The following ARRB1 variants were observed in gnomAD, a reference collection of about 807,000 sequenced individuals.
ARRB1 encodes beta-arrestin-1.
A neutral mutation model predicts 56.8 loss-of-function variants in ARRB1; 21 were observed. That is an observed-to-expected ratio of 0.37 (90% CI 0.26 to 0.53). The LOEUF is 0.53. Ranked by LOEUF, ARRB1 falls within the 20% of genes least tolerant of loss-of-function variation. The pLI is 0.88. For missense variants in ARRB1, 424 were observed against 553.7 expected (o/e 0.77, Z 2.35); for synonymous variants, 210 against 218.6 (o/e 0.96, Z 0.35).
chr11:75,321,534 C>G (rs1054329889), intron 1 of ARRB1, among the ~76,000 whole-genome samples: 4 of 152,088 alleles, frequency 2.6e-5, no homozygotes, highest in Admixed American at 2.6e-4. Context: ...TCCTTACAGC[C>G]CTCATCTGAG....
Position 75,276,546 on chromosome 11 carries a change from C to T in ARRB1, c.776+293G>A, listed in dbSNP as rs34339888. ...CCTTCAACCTAGGTTTCTTGTACAA[C>T]GTAATTATTTCTTCTCACAACCCCA... On this transcript the variant is annotated intron_variant, in intron 10 of 15. Coordinates refer to ENST00000420843, the MANE Select transcript of ARRB1 (RefSeq NM_004041.5). Among the ~76,000 whole-genome samples the T allele has an allele frequency of 2.3e-3, 353 of 152,306 alleles. 4 individuals carry two copies. Among genetic ancestry groups the T allele is most frequent in the African/African-American group, 7.9e-3 (328 of 41,576 alleles).
chr11:75,331,167 C>A (rs1383756949), intron 1 of ARRB1, among the ~76,000 whole-genome samples: 1 of 152,230 alleles, frequency 6.6e-6, no homozygotes, highest in East Asian at 1.9e-4. Flanking sequence ...TGCCACCACG[C>A]CTGGCTAATT....
chr11:75,297,802 T>C (rs909272945), intron 1 of ARRB1, among the ~76,000 whole-genome samples: 3 of 127,498 alleles, frequency 2.4e-5, no homozygotes, highest in Admixed American at 2.0e-4. Context: ...GAGGCGGAGG[T>C]TGCAGTGAGC....
intron 1 of ARRB1, among the ~76,000 whole-genome samples, chr11:75,343,946 G>T (rs954738310): frequency 6.6e-6 from 1 of 152,122 alleles, no homozygotes; most frequent in African/African-American, 2.4e-5. Flanking sequence ...CTCCGGAGTA[G>T]CTGGGACTAC....
chr11:75,274,352 C>T, intron 10 of ARRB1, 141 bp from the exon 11 acceptor site: 2 of 1,225,510 alleles, frequency 1.6e-6, no homozygotes, highest in Non-Finnish European at 2.3e-6. Flanking sequence ...ACACGGACCA[C>T]TTGGGCCAGC....
intron 1 of ARRB1, among the ~76,000 whole-genome samples, chr11:75,305,208 G>GT (rs1271551275): frequency 7.1e-6 from 1 of 141,700 alleles, no homozygotes; most frequent in African/African-American, 2.7e-5. Flanking sequence ...GCTAATTTTT[G>GT]TATTTTTTTT....
chr11:75,266,397 G>C, intron 15 of ARRB1, 123 bp from the exon 16 acceptor site: 1 of 752,494 alleles, frequency 1.3e-6, no homozygotes, highest in East Asian at 2.6e-5. Flanking sequence ...CACCCTCTCT[G>C]AGGTCTCTGG....
chr11:75,324,268 T>C (rs928818331), intron 1 of ARRB1, among the ~76,000 whole-genome samples: 8 of 152,248 alleles, frequency 5.3e-5, no homozygotes, highest in Admixed American at 6.5e-5. Flanking sequence ...CAGCATCAGT[T>C]GCTCCATGAG....
intron 1 of ARRB1, among the ~76,000 whole-genome samples, chr11:75,324,874 C>T (rs535308111): frequency 1.5e-4 from 23 of 152,256 alleles, no homozygotes; most frequent in Non-Finnish European, 5.9e-5. Context: ...GCCTCTCTAA[C>T]CACCCCCACC....
rs111820610 is a variant in ARRB1, at chr11:75,346,716, C to G, written c.20+4872G>C. On this transcript the variant is annotated intron_variant, in intron 1 of 15. Transcript: ENST00000420843. ...ATATGGCCTTCCGTCAGTTTCCTCC[C>G]TCTTCTCTCCATACCCAGGCACTGG... 2.5e-3 allele frequency among the ~76,000 whole-genome samples: 382 copies of G among 152,278 alleles called. 1 individual carries two copies. Among genetic ancestry groups the G allele is most frequent in the African/African-American group, 8.5e-3 (353 of 41,552 alleles).
intron 1 of ARRB1, among the ~76,000 whole-genome samples, chr11:75,348,180 C>T (rs1947800638): frequency 6.6e-6 from 1 of 152,214 alleles, no homozygotes; most frequent in Admixed American, 6.5e-5. Flanking sequence ...TCATCCCCAG[C>T]CCAGGCCCCA....
chr11:75,326,139 C>G (rs1947429903), intron 1 of ARRB1, among the ~76,000 whole-genome samples: 1 of 152,140 alleles, frequency 6.6e-6, no homozygotes, highest in South Asian at 2.1e-4. Context: ...TCAGGCAGCT[C>G]TGGAGAAGCA....
intron 3 of ARRB1, 50 bp downstream of exon 3, chr11:75,287,265 T>C (rs1591921513): frequency 6.5e-7 from 1 of 1,529,832 alleles, no homozygotes; most frequent in African/African-American, 1.4e-5. Context: ...CTGGGAGGCT[T>C]GGCCAGCCAC....
At chr11:75,308,119 G>A (rs962631722) in intron 1 of ARRB1, among the ~76,000 whole-genome samples, 1 of 152,242 alleles carries the variant, frequency 6.6e-6, no homozygotes, top group Non-Finnish European at 1.5e-5. Context: ...CCCTGAGCCC[G>A]GCCCAAGCAA....
At chr11:75,279,409 G>T (rs1043084527) in intron 7 of ARRB1, among the ~76,000 whole-genome samples, 2 of 152,112 alleles carry the variant, frequency 1.3e-5, no homozygotes, top group African/African-American at 2.4e-5. Context: ...GATTACAGGG[G>T]ATCAGGGAGC....
chr11:75,274,207 T>C lies in ARRB1; in HGVS notation c.781A>G (p.Thr261Ala), dbSNP rs1290081210. ...CPVAMEEADD[T>A]VAPSSTFCKV... ...CAGAACGTCGAGCTGGGTGCCACAGTGTCACTGGGAAGAAAGGAAGCAGCT... is the reference window on the plus strand; with the variant it reads ...CAGAACGTCGAGCTGGGTGCCACAGCGTCACTGGGAAGAAAGGAAGCAGCT... Residue 261 changes from threonine (T) to alanine (A), a missense_variant, in exon 11 of 16, where the codon ACT (threonine) becomes GCT (alanine). Thr to Ala is a moderately conservative substitution (Grantham distance 58). Coordinates refer to ENST00000420843, the MANE Select transcript of ARRB1 (RefSeq NM_004041.5). 6.2e-7 allele frequency: 1 copy of C among 1,613,870 alleles called. No individual in the cohort carries two copies. The highest frequency in any genetic ancestry group is 8.5e-7 in the Non-Finnish European group (1 of 1,179,916).
chr11:75,345,548 C>A (rs1378213566), intron 1 of ARRB1, among the ~76,000 whole-genome samples: 1 of 152,138 alleles, frequency 6.6e-6, no homozygotes, highest in Admixed American at 6.5e-5. Context: ...ACCTCAGGAG[C>A]CCCCGGTGTG....
chr11:75,290,907 C>T (rs1020725786), intron 1 of ARRB1, among the ~76,000 whole-genome samples: 9 of 152,136 alleles, frequency 5.9e-5, no homozygotes, highest in African/African-American at 2.2e-4. Context: ...GCCCAACCAA[C>T]ACTTACCACT....
Position 75,283,463 on chromosome 11 carries a change from C to A in ARRB1, c.178G>T (p.Ala60Ser), listed in dbSNP as rs746053701. 2.5e-6 allele frequency: 4 copies of A among 1,612,196 alleles called. No individual in the cohort carries two copies. Among genetic ancestry groups the A allele is most frequent in the Non-Finnish European group, 2.5e-6 (3 of 1,178,972 alleles). The change falls in exon 5 of 16, where the codon GCC becomes TCC. Residue 60 changes from alanine to serine, a missense_variant. By Grantham distance (99) the Ala-to-Ser change is moderately conservative. Transcript: ENST00000420843. ...ERRVYVTLTC[A>S]FRYGREDLDV... ...AGGTCCTCCCGGCCATAGCGGAAGG[C>A]GCAGGTCAGCGTCACATAGACTGTG...
Sources: gnomAD v4.1 joint callset for allele counts (sites outside exome capture counted in the v4.1 genomes callset) on GRCh38, gnomAD v4.1.1 for gene constraint, MANE v1.5 for transcripts, NCBI Gene and HGNC (gene_info 2026-07-23, HGNC 2026-07-21) for gene names.